FGGY: variants seen among roughly 807,000 people sequenced by gnomAD.
The protein encoded by FGGY is FGGY carbohydrate kinase domain-containing protein.
FGGY carries 72 observed loss-of-function variants against 71.3 expected under a neutral mutation model. The observed-to-expected ratio is 1.01, with a 90% CI of 0.84 to 1.23. The LOEUF (loss-of-function observed/expected upper bound fraction) is 1.23, where lower values mean the gene tolerates loss of function less well. Among genes scored for constraint, FGGY ranks in the 50% most tolerant of loss-of-function variants. The pLI, the probability that FGGY is intolerant of heterozygous loss-of-function variation, is 0.00. For synonymous variants in FGGY, 251 were observed against 250.3 expected (o/e 1.00, Z -0.02); for missense variants, 668 against 682.3 (o/e 0.98, Z 0.23).
At chr1:59,332,295 G>C (rs1181849342) in intron 2 of FGGY, among the ~76,000 whole-genome samples, 4 of 152,210 alleles carry the variant, frequency 2.6e-5, no homozygotes, top group African/African-American at 9.6e-5. Flanking sequence ...GAAGAGCAAT[G>C]TGCTTTCTCT....
At chr1:59,440,894 A>G (rs1431798427) in intron 5 of FGGY, among the ~76,000 whole-genome samples, 1 of 151,810 alleles carries the variant, frequency 6.6e-6, no homozygotes, top group Non-Finnish European at 1.5e-5. Context: ...TGACCCATTC[A>G]AGATACTCTT....
intron 14 of FGGY, among the ~76,000 whole-genome samples, chr1:59,677,560 T>C (rs1467493160): frequency 1.3e-5 from 2 of 152,162 alleles, no homozygotes; most frequent in Non-Finnish European, 2.9e-5. Context: ...AGGGTTTTCA[T>C]AGGCCCCTGA....
chr1:59,573,776 T>C (rs1026443858), intron 8 of FGGY, among the ~76,000 whole-genome samples: 2 of 152,314 alleles, frequency 1.3e-5, no homozygotes, highest in South Asian at 4.1e-4. Context: ...TGGAAAAGTG[T>C]TGTTCAATCT....
chr1:59,612,231 A>C (rs2096691753), intron 9 of FGGY, among the ~76,000 whole-genome samples: 1 of 152,262 alleles, frequency 6.6e-6, no homozygotes, highest in African/African-American at 2.4e-5. Flanking sequence ...AAAAAATGTT[A>C]AGGGCAGCCA....
intron 12 of FGGY, among the ~76,000 whole-genome samples, chr1:59,664,323 C>T (rs146045385): frequency 1.2e-4 from 19 of 152,266 alleles, no homozygotes; most frequent in Non-Finnish European, 2.6e-4. Flanking sequence ...TCTGGGACAC[C>T]GAAAGGGAAG....
At chr1:59,626,828 C>G (rs1414812718) in intron 10 of FGGY, 1 of 150,982 alleles carries the variant, frequency 6.6e-6, no homozygotes, top group Non-Finnish European at 1.5e-5. Flanking sequence ...GCACTCCAGC[C>G]TGGGCAATAA....
At chr1:59,437,967 T>G (rs1292253593) in intron 5 of FGGY, among the ~76,000 whole-genome samples, 1 of 152,198 alleles carries the variant, frequency 6.6e-6, no homozygotes, top group Non-Finnish European at 1.5e-5. Flanking sequence ...TGCACAGATT[T>G]CAGGAGAAGT....
chr1:59,642,417 G>T (rs1353645573), intron 11 of FGGY, among the ~76,000 whole-genome samples: 1 of 152,002 alleles, frequency 6.6e-6, no homozygotes, highest in African/African-American at 2.4e-5. Flanking sequence ...ATGAGGTCAG[G>T]GGTTCGAGAC....
intron 14 of FGGY, among the ~76,000 whole-genome samples, chr1:59,685,127 G>C (rs555287319): frequency 2.0e-4 from 31 of 152,292 alleles, no homozygotes; most frequent in Middle Eastern, 3.4e-3. Context: ...ACAGCCCTGT[G>C]CTTTGGAGGG....
At chr1:59,753,482 A>ATG (rs2098264147) in intron 14 of FGGY, among the ~76,000 whole-genome samples, 1 of 104,810 alleles carries the variant, frequency 9.5e-6, no homozygotes, top group African/African-American at 4.1e-5. Flanking sequence ...ATATATATAT[A>ATG]TATATATATA....
chr1:59,715,603 T>C (rs899278860), intron 14 of FGGY, among the ~76,000 whole-genome samples: 6 of 152,222 alleles, frequency 3.9e-5, no homozygotes, highest in African/African-American at 1.4e-4. Context: ...ACTCTGCCAC[T>C]ATGAGATGTC....
At chr1:59,546,846 A>G (rs1465903391) in intron 7 of FGGY, among the ~76,000 whole-genome samples, 3 of 151,448 alleles carry the variant, frequency 2.0e-5, no homozygotes, top group Non-Finnish European at 4.4e-5. Flanking sequence ...CACCCAGTGC[A>G]GTAAAAGTAA....
At chr1:59,729,094 G>C (rs369115109) in intron 14 of FGGY, among the ~76,000 whole-genome samples, 1 of 151,790 alleles carries the variant, frequency 6.6e-6, no homozygotes, top group African/African-American at 2.4e-5. Context: ...ATATCAGTTT[G>C]GGAAGTTTTT....
intron 1 of FGGY, among the ~76,000 whole-genome samples, chr1:59,308,837 C>G (rs2043829914): frequency 1.3e-5 from 2 of 152,308 alleles, no homozygotes; most frequent in Admixed American, 1.3e-4. Context: ...TGGCATCATA[C>G]TGTATCATCC....
rs139368619 is a variant in FGGY at position 59,544,596 on chromosome 1, CA to C, written c.800-9527del. On this transcript the variant is annotated intron_variant, in intron 7 of 15. Coordinates refer to ENST00000303721, the MANE Select transcript of FGGY (RefSeq NM_018291.5). ...CAGCTTAAACTATTCAAAATACTAA[CA>C]TGCCATATTTTGGGATAGCATGTCC... Among the ~76,000 whole-genome samples the C allele has an allele frequency of 8.5e-4, 129 of 152,292 alleles. 2 individuals are homozygous for C. The East Asian group carries it at 0.025, about 29-fold the overall frequency.
At chr1:59,711,605 G>C (rs2097794795) in intron 14 of FGGY, among the ~76,000 whole-genome samples, 1 of 152,176 alleles carries the variant, frequency 6.6e-6, no homozygotes, top group African/African-American at 2.4e-5. Context: ...ACAAAAGAAA[G>C]AGGTTCCATG....
intron 4 of FGGY, among the ~76,000 whole-genome samples, chr1:59,370,930 T>C (rs2057501833): frequency 6.6e-6 from 1 of 151,930 alleles, no homozygotes. Flanking sequence ...AAGGCACAAC[T>C]GGTACCAGCC....
intron 4 of FGGY, among the ~76,000 whole-genome samples, chr1:59,371,206 A>T (rs2057564436): frequency 6.6e-6 from 1 of 152,284 alleles, no homozygotes; most frequent in East Asian, 1.9e-4. Flanking sequence ...AACAGGATGG[A>T]GGAAGATCTA....
chr1:59,735,115 G>A (rs2098088869), intron 14 of FGGY, among the ~76,000 whole-genome samples: 1 of 152,142 alleles, frequency 6.6e-6, no homozygotes, highest in African/African-American at 2.4e-5. Context: ...GGTAGAGAGA[G>A]GGATGGGAAG....
Sources: allele counts gnomAD v4.1 joint callset (sites outside exome capture counted in the v4.1 genomes callset), GRCh38; gene constraint gnomAD v4.1.1; transcripts MANE v1.5; gene names NCBI Gene and HGNC (gene_info 2026-07-23, HGNC 2026-07-21).